The following DCDC1 variants were observed in gnomAD, a reference collection of about 807,000 sequenced individuals.
DCDC1 encodes the protein doublecortin domain-containing protein 1.
DCDC1 carries 200 observed loss-of-function variants against 178.3 expected under a neutral mutation model. The ratio of observed to expected loss-of-function variants is 1.12; its 90% confidence interval spans 1.00 to 1.26. The LOEUF (loss-of-function observed/expected upper bound fraction) is 1.26. Ranked by LOEUF, DCDC1 falls within the 50% of genes most tolerant of loss-of-function variation. DCDC1 has a pLI of 0.00. For missense variants in DCDC1, 1,983 were observed against 1,749.2 expected, an observed-to-expected ratio of 1.13 and a Z score of -2.38; for synonymous variants, 690 against 604.8, an observed-to-expected ratio of 1.14 and a Z score of -2.07.
chr11:31,230,782 G>A (rs1165151866), intron 9 of DCDC1, among the ~76,000 whole-genome samples: 1 of 151,728 alleles, frequency 6.6e-6, no homozygotes, highest in Admixed American at 6.6e-5. Flanking sequence ...CAGTTACAAA[G>A]TATGTAATTT....
chr11:31,079,674 G>A (rs2135570751), intron 17 of DCDC1, among the ~76,000 whole-genome samples: 1 of 151,888 alleles, frequency 6.6e-6, no homozygotes, highest in South Asian at 2.1e-4. Flanking sequence ...TGTCCACTGA[G>A]AACTGAAGAA....
chr11:31,220,049 T>C (rs1207310256), intron 9 of DCDC1, among the ~76,000 whole-genome samples: 1 of 152,174 alleles, frequency 6.6e-6, no homozygotes, highest in East Asian at 1.9e-4. Context: ...AGATACGCCA[T>C]GAATTTCATG....
chr11:31,157,312 G>A (rs1965804087), intron 9 of DCDC1, among the ~76,000 whole-genome samples: 1 of 144,574 alleles, frequency 6.9e-6, no homozygotes, highest in Non-Finnish European at 1.5e-5. Context: ...GATCACTTGA[G>A]CCCAGGAGTT....
chr11:31,031,395 T>C (rs1320954450), intron 20 of DCDC1, among the ~76,000 whole-genome samples: 1 of 152,182 alleles, frequency 6.6e-6, no homozygotes, highest in Non-Finnish European at 1.5e-5. Flanking sequence ...GAGCTATGTA[T>C]GTAACTTACT....
chr11:31,263,637 G>A (rs1266342188), intron 8 of DCDC1, among the ~76,000 whole-genome samples: 4 of 152,156 alleles, frequency 2.6e-5, no homozygotes, highest in African/African-American at 4.8e-5. Context: ...AAAAATTTGA[G>A]TTAGAAACAA....
At chr11:30,868,811 TTATC>T (rs1297512131) in intron 38 of DCDC1, among the ~76,000 whole-genome samples, 1 of 152,222 alleles carries the variant, frequency 6.6e-6, no homozygotes, top group Non-Finnish European at 1.5e-5. Flanking sequence ...TGTTCTCAGA[TTATC>T]TATAACACCC....
intron 9 of DCDC1, among the ~76,000 whole-genome samples, chr11:31,175,575 G>C (rs1284021524): frequency 6.6e-6 from 1 of 152,158 alleles, no homozygotes; most frequent in Non-Finnish European, 1.5e-5. Context: ...CCACCACAGG[G>C]CTGCTCAGCC....
chr11:30,989,138 G>A (rs978615503), intron 20 of DCDC1, among the ~76,000 whole-genome samples: 2 of 152,084 alleles, frequency 1.3e-5, no homozygotes, highest in Admixed American at 1.3e-4. Context: ...ATAAGAGGGG[G>A]GGCAGTAAAA....
intron 9 of DCDC1, among the ~76,000 whole-genome samples, chr11:31,178,778 T>C (rs1197570769): frequency 6.6e-6 from 1 of 152,074 alleles, no homozygotes; most frequent in Non-Finnish European, 1.5e-5. Flanking sequence ...CCACAACCTC[T>C]ACCTCCTGGG....
At chr11:31,269,941 G>A (rs1371267817) in intron 7 of DCDC1, among the ~76,000 whole-genome samples, 2 of 152,122 alleles carry the variant, frequency 1.3e-5, no homozygotes, top group Non-Finnish European at 2.9e-5. Flanking sequence ...AGTATACTTA[G>A]GCCAACATCA....
chr11:31,294,026 T>G (rs2137434868), intron 6 of DCDC1, among the ~76,000 whole-genome samples: 2 of 152,316 alleles, frequency 1.3e-5, no homozygotes, highest in East Asian at 3.9e-4. Context: ...TAATCATTTC[T>G]CTCCAACTAA....
intron 20 of DCDC1, among the ~76,000 whole-genome samples, chr11:31,017,161 C>T (rs927746828): frequency 1.3e-5 from 2 of 152,032 alleles, no homozygotes; most frequent in African/African-American, 4.8e-5. Flanking sequence ...AAGAATAAAG[C>T]AGTATTTTAA....
rs201914733 is a variant in DCDC1, at chr11:31,306,387, C to A, written c.436G>T (p.Val146Phe). The change falls in exon 5 of 39, where the codon GTT becomes TTT. Residue 146 changes from valine to phenylalanine, a missense_variant and splice_region_variant. By Grantham distance (50) the Val-to-Phe change is conservative. Transcript: ENST00000684477. ...AATTTTAAAGAAGAGAACTCTGCAACCCTGAAGAAAAAGAAAAACAGAAAA... is the reference window on the plus strand; with the variant it reads ...AATTTTAAAGAAGAGAACTCTGCAAACCTGAAGAAAAAGAAAAACAGAAAA... ...PVSAPVGQLRVAEFSSLKFQS... is the reference protein window; with the variant it reads ...PVSAPVGQLRFAEFSSLKFQS... The A allele has an allele frequency of 1.5e-5, 23 of 1,581,852 alleles. No homozygotes were observed. Among genetic ancestry groups the A allele is most frequent in the Non-Finnish European group, 1.5e-5 (18 of 1,169,456 alleles).
chr11:31,224,555 G>A (rs1353700233), intron 9 of DCDC1, among the ~76,000 whole-genome samples: 1 of 151,916 alleles, frequency 6.6e-6, no homozygotes, highest in Non-Finnish European at 1.5e-5. Flanking sequence ...GAAACTATCA[G>A]CAGAGTAAAC....
At chr11:30,934,752 G>A (rs1470494568) in intron 21 of DCDC1, among the ~76,000 whole-genome samples, 1 of 152,100 alleles carries the variant, frequency 6.6e-6, no homozygotes, top group Non-Finnish European at 1.5e-5. Flanking sequence ...CTGTGCCTGG[G>A]GTCGTCCTGC....
At chr11:30,935,548 T>A (rs1472492778) in intron 21 of DCDC1, among the ~76,000 whole-genome samples, 1 of 151,874 alleles carries the variant, frequency 6.6e-6, no homozygotes, top group Non-Finnish European at 1.5e-5. Context: ...ATGTTTTCTG[T>A]TTGTTTGTTT....
At chr11:31,269,221 G>A (rs1945378875) in intron 7 of DCDC1, among the ~76,000 whole-genome samples, 1 of 152,064 alleles carries the variant, frequency 6.6e-6, no homozygotes, top group South Asian at 2.1e-4. Context: ...GCCCTGAAAT[G>A]AAGCTTCTAC....
At chr11:31,140,392 T>C (rs144947722) in intron 9 of DCDC1, among the ~76,000 whole-genome samples, 1 of 152,318 alleles carries the variant, frequency 6.6e-6, no homozygotes, top group African/African-American at 2.4e-5. Context: ...TGGTTCTAAA[T>C]ATATCTTGTC....
intron 4 of DCDC1, 35 bp from the exon 5 acceptor site, chr11:31,306,423 G>A (rs775561757): frequency 1.3e-6 from 2 of 1,550,452 alleles, no homozygotes; most frequent in Non-Finnish European, 8.7e-7. Flanking sequence ...ATTGATGCAT[G>A]CTAATTAGTG....
Sources: allele counts gnomAD v4.1 joint callset (sites outside exome capture counted in the v4.1 genomes callset), GRCh38; gene constraint gnomAD v4.1.1; transcripts MANE v1.5; gene names NCBI Gene and HGNC (gene_info 2026-07-23, HGNC 2026-07-21).